The following PRDM6 variants were observed in gnomAD, a reference collection of about 807,000 sequenced individuals.
The protein encoded by PRDM6 is putative histone-lysine N-methyltransferase PRDM6.
A neutral mutation model predicts 60.8 loss-of-function variants in PRDM6; 25 were observed. The observed-to-expected ratio is 0.41, with a 90% CI of 0.30 to 0.57. The LOEUF is 0.57. Ranked by LOEUF, PRDM6 falls within the 20% of genes least tolerant of loss-of-function variation. PRDM6 has a pLI of 0.27. For missense variants in PRDM6, 839 were observed against 821.3 expected, an observed-to-expected ratio of 1.02 and a Z score of -0.26; for synonymous variants, 407 against 357.4, an observed-to-expected ratio of 1.14 and a Z score of -1.57.
At chr5:123,156,614 A>G (rs1266977048) in intron 4 of PRDM6, among the ~76,000 whole-genome samples, 3 of 152,200 alleles carry the variant, frequency 2.0e-5, no homozygotes, top group African/African-American at 7.2e-5. Flanking sequence ...TTCCGGGCAT[A>G]GAGAAGCCCC....
rs761236297 is a variant in PRDM6 at position 123,191,202 on chromosome 5, C to T, written c.*4001C>T. ...TCAGAGTTGCCTCATTAGTGGTAAGCGTTGGCAGTGTAGTCCCTTTCCCCG... is the reference window on the plus strand; with the variant it reads ...TCAGAGTTGCCTCATTAGTGGTAAGTGTTGGCAGTGTAGTCCCTTTCCCCG... On this transcript the variant is annotated 3_prime_UTR_variant, in exon 8 of 8. Coordinates refer to ENST00000407847, the MANE Select transcript of PRDM6 (RefSeq NM_001136239.4). The T allele has an allele frequency of 2.6e-5, 4 of 152,082 alleles. No individual in the cohort carries two copies. Among genetic ancestry groups the T allele is most frequent in the Non-Finnish European group, 4.4e-5 (3 of 68,024 alleles). 9.4% of individuals were successfully genotyped at this position (152,082 alleles called of 1,614,324 possible).
At chr5:123,145,960 A>T (rs1765228643) in intron 3 of PRDM6, among the ~76,000 whole-genome samples, 2 of 152,232 alleles carry the variant, frequency 1.3e-5, no homozygotes. Flanking sequence ...CTGTGTCTTT[A>T]GAAAGTTCTC....
chr5:123,190,797 T>C lies in PRDM6; in HGVS notation c.*3596T>C, dbSNP rs745858802. The C allele has an allele frequency of 1.3e-5, 2 of 152,214 alleles. No homozygotes were observed. Among genetic ancestry groups the C allele is most frequent in the Non-Finnish European group, 2.9e-5 (2 of 68,030 alleles). 9.4% of individuals were successfully genotyped at this position (152,214 alleles called of 1,614,324 possible). A position where few individuals can be genotyped will look rare whatever the true frequency, so the allele number is the denominator to read the frequency against. On this transcript the variant is annotated 3_prime_UTR_variant, in exon 8 of 8. Coordinates refer to ENST00000407847, the MANE Select transcript of PRDM6 (RefSeq NM_001136239.4). The stretch of plus-strand genomic sequence containing the variant: ...TATATAAAGACCCCATTTTATGTGT[T>C]CACCATAAGCAGCATTATTTAAGTG...
At chr5:123,121,978 A>G (rs1008658275) in intron 3 of PRDM6, among the ~76,000 whole-genome samples, 2 of 151,366 alleles carry the variant, frequency 1.3e-5, no homozygotes, top group African/African-American at 2.4e-5. Flanking sequence ...CCTGGCCAAC[A>G]CAGGGAGACC....
At chr5:123,124,431 A>G (rs923591586) in intron 3 of PRDM6, among the ~76,000 whole-genome samples, 3 of 152,234 alleles carry the variant, frequency 2.0e-5, no homozygotes, top group African/African-American at 7.2e-5. Context: ...AGACACGGGA[A>G]GTTTGGTTCT....
chr5:123,179,391 A>C (rs1258306295), intron 6 of PRDM6, among the ~76,000 whole-genome samples: 1 of 152,222 alleles, frequency 6.6e-6, no homozygotes, highest in African/African-American at 2.4e-5. Flanking sequence ...GTTCAAGAGA[A>C]AGATCTAATG....
At chr5:123,178,405 T>G (rs770225164) in intron 6 of PRDM6, among the ~76,000 whole-genome samples, 3 of 152,198 alleles carry the variant, frequency 2.0e-5, no homozygotes, top group Non-Finnish European at 4.4e-5. Context: ...CCTGAGAGAA[T>G]TATTTTTTCA....
At chr5:123,142,429 G>A (rs1765126163) in intron 3 of PRDM6, among the ~76,000 whole-genome samples, 1 of 152,080 alleles carries the variant, frequency 6.6e-6, no homozygotes, top group Admixed American at 6.6e-5. Context: ...AATTAACTAG[G>A]GAATATGAGG....
At chr5:123,131,494 A>G (rs1445761646) in intron 3 of PRDM6, among the ~76,000 whole-genome samples, 2 of 152,232 alleles carry the variant, frequency 1.3e-5, no homozygotes, top group African/African-American at 2.4e-5. Context: ...AGAAATTATT[A>G]TTAATGTTGA....
At chr5:123,119,150 T>A (rs170838) in intron 3 of PRDM6, among the ~76,000 whole-genome samples, 30,376 of 151,916 alleles carry the variant, frequency 0.2, 3,647 homozygotes, top group South Asian at 0.39. Context: ...TAGCATTAAC[T>A]GTTACTATCT....
At chr5:123,103,619 A>G (rs907137525) in intron 3 of PRDM6, among the ~76,000 whole-genome samples, 1 of 152,036 alleles carries the variant, frequency 6.6e-6, no homozygotes, top group Non-Finnish European at 1.5e-5. Flanking sequence ...ACATTATCTC[A>G]ATTATTAATG....
At position 123,180,327 on chromosome 5, in the gene PRDM6, A is replaced by C; in HGVS notation, c.1673+4A>C. The C allele has an allele frequency of 6.5e-7, 1 of 1,546,986 alleles. No individual in the cohort carries two copies. The stretch of plus-strand genomic sequence containing the variant: ...ACACTGGAGAAAAGCCCTTCAAGTA[A>C]GTAGTGGCTAGCCCTCCACCCTCTC... On this transcript the variant is annotated splice_donor_region_variant and intron_variant, in intron 7 of 7. Coordinates refer to ENST00000407847, the MANE Select transcript of PRDM6 (RefSeq NM_001136239.4).
intron 5 of PRDM6, among the ~76,000 whole-genome samples, chr5:123,168,398 A>G (rs1347633516): frequency 2.6e-5 from 4 of 152,182 alleles, no homozygotes; most frequent in Non-Finnish European, 4.4e-5. Context: ...GTCAGAAAAA[A>G]AAAATTCTGT....
intron 2 of PRDM6, among the ~76,000 whole-genome samples, chr5:123,093,618 T>A (rs926020300): frequency 6.6e-6 from 1 of 152,192 alleles, no homozygotes; most frequent in Non-Finnish European, 1.5e-5. Context: ...TGGTGCCTCC[T>A]GCGATATAAA....
intron 3 of PRDM6, among the ~76,000 whole-genome samples, chr5:123,121,492 C>T (rs1187565096): frequency 6.6e-6 from 1 of 152,180 alleles, no homozygotes; most frequent in African/African-American, 2.4e-5. Context: ...AAGTGATCCT[C>T]CCACCTTGGC....
chr5:123,153,667 T>G (rs145213402), intron 3 of PRDM6, among the ~76,000 whole-genome samples: 17 of 152,286 alleles, frequency 1.1e-4, no homozygotes, highest in Non-Finnish European at 2.1e-4. Context: ...AGGCAAAAAT[T>G]GTAGATTTCC....
chr5:123,102,325 A>ATTT (rs1764121426), intron 3 of PRDM6, among the ~76,000 whole-genome samples: 1 of 152,172 alleles, frequency 6.6e-6, no homozygotes, highest in African/African-American at 2.4e-5. Flanking sequence ...TGAGTTTAAA[A>ATTT]TTTTTAAGCA....
At chr5:123,141,669 C>G (rs185909767) in intron 3 of PRDM6, among the ~76,000 whole-genome samples, 2 of 152,174 alleles carry the variant, frequency 1.3e-5, no homozygotes. Context: ...CCCAAGGGCC[C>G]AAAATTCTGT....
At chr5:123,098,646 T>G (rs1421113634) in intron 2 of PRDM6, among the ~76,000 whole-genome samples, 1 of 152,196 alleles carries the variant, frequency 6.6e-6, no homozygotes, top group Non-Finnish European at 1.5e-5. Flanking sequence ...AGAGACAGCT[T>G]TATCTACAGC....
Sources: allele counts gnomAD v4.1 joint callset (sites outside exome capture counted in the v4.1 genomes callset), GRCh38; gene constraint gnomAD v4.1.1; transcripts MANE v1.5; gene names NCBI Gene and HGNC (gene_info 2026-07-23, HGNC 2026-07-21).